TAFA4: variants seen among roughly 807,000 people sequenced by gnomAD.
The protein encoded by TAFA4 is chemokine-like protein TAFA-4.
A neutral mutation model predicts 21.1 loss-of-function variants in TAFA4; 20 were observed. The observed-to-expected ratio is 0.95, with a 90% CI of 0.67 to 1.38. TAFA4 has a LOEUF of 1.38. Among genes scored for constraint, TAFA4 ranks in the 40% most tolerant of loss-of-function variants. TAFA4 has a pLI of 0.00. For missense variants in TAFA4, 211 were observed against 180.9 expected, an observed-to-expected ratio of 1.17 and a Z score of -0.95; for synonymous variants, 71 against 67.4, an observed-to-expected ratio of 1.05 and a Z score of -0.26.
chr3:68,831,827 T>C (rs1012493825), intron 3 of TAFA4, among the ~76,000 whole-genome samples: 2 of 152,216 alleles, frequency 1.3e-5, no homozygotes, highest in Admixed American at 1.3e-4. Flanking sequence ...ACCAATTAAA[T>C]GTAGATTTGT....
intron 3 of TAFA4, among the ~76,000 whole-genome samples, chr3:68,758,836 A>G (rs1257662548): frequency 6.6e-6 from 1 of 152,220 alleles, no homozygotes; most frequent in East Asian, 1.9e-4. Flanking sequence ...GTGTTATAAC[A>G]TTGTATTAGT....
At chr3:68,809,839 T>C (rs1002363557) in intron 3 of TAFA4, among the ~76,000 whole-genome samples, 7 of 152,212 alleles carry the variant, frequency 4.6e-5, no homozygotes, top group Admixed American at 4.6e-4. Flanking sequence ...GTTGGCATTG[T>C]GTTTTGGCAC....
chr3:68,923,446 C>T (rs1386863937), intron 1 of TAFA4, among the ~76,000 whole-genome samples: 1 of 152,116 alleles, frequency 6.6e-6, no homozygotes, highest in Non-Finnish European at 1.5e-5. Context: ...CTACCTAAGG[C>T]TTATCTTAAT....
chr3:68,785,620 G>A (rs911076215), intron 3 of TAFA4, among the ~76,000 whole-genome samples: 12 of 152,354 alleles, frequency 7.9e-5, no homozygotes, highest in South Asian at 4.1e-4. Flanking sequence ...AGCACCGCGT[G>A]CAGCCCCGGT....
chr3:68,919,995 A>T (rs1418116254), intron 1 of TAFA4, among the ~76,000 whole-genome samples: 1 of 152,234 alleles, frequency 6.6e-6, no homozygotes, highest in Non-Finnish European at 1.5e-5. Context: ...AATTATGAGA[A>T]GGCTTTAAAC....
intron 3 of TAFA4, among the ~76,000 whole-genome samples, chr3:68,856,434 C>T (rs1705070788): frequency 6.6e-6 from 1 of 152,066 alleles, no homozygotes; most frequent in South Asian, 2.1e-4. Flanking sequence ...CATTACTCTC[C>T]AAAGATTATA....
chr3:68,758,069 G>A (rs954281786), intron 3 of TAFA4, among the ~76,000 whole-genome samples: 2 of 152,136 alleles, frequency 1.3e-5, no homozygotes, highest in South Asian at 2.1e-4. Flanking sequence ...ATTGAGAAGA[G>A]GTGAGATTCA....
chr3:68,855,494 A>G (rs1335229937), intron 3 of TAFA4, among the ~76,000 whole-genome samples: 1 of 152,158 alleles, frequency 6.6e-6, no homozygotes, highest in Non-Finnish European at 1.5e-5. Flanking sequence ...AATAAGGGTT[A>G]AATGCACTAC....
At chr3:68,782,537 C>T (rs1328835527) in intron 3 of TAFA4, among the ~76,000 whole-genome samples, 1 of 151,570 alleles carries the variant, frequency 6.6e-6, no homozygotes, top group Non-Finnish European at 1.5e-5. Context: ...TATATTCATA[C>T]AATAAATTAT....
At chr3:68,735,143 G>A (rs560554002) in intron 5 of TAFA4, among the ~76,000 whole-genome samples, 1 of 152,160 alleles carries the variant, frequency 6.6e-6, no homozygotes, top group East Asian at 1.9e-4. Context: ...AAACTTGAGG[G>A]TAAAGGAGTC....
chr3:68,794,871 C>A (rs1276875602), intron 3 of TAFA4, among the ~76,000 whole-genome samples: 1 of 149,856 alleles, frequency 6.7e-6, no homozygotes, highest in Non-Finnish European at 1.5e-5. Context: ...TTGCTCCCAA[C>A]AAAAAGACAA....
At chr3:68,758,920 C>T (rs944663411) in intron 3 of TAFA4, among the ~76,000 whole-genome samples, 5 of 152,122 alleles carry the variant, frequency 3.3e-5, no homozygotes, top group Admixed American at 1.3e-4. Context: ...AGGAATTGTC[C>T]CATGCAATTA....
intron 3 of TAFA4, among the ~76,000 whole-genome samples, chr3:68,771,113 C>T (rs370119495): frequency 6.6e-6 from 1 of 152,144 alleles, no homozygotes; most frequent in African/African-American, 2.4e-5. Flanking sequence ...ACTCCATCCC[C>T]CTTCTGACTC....
intron 3 of TAFA4, among the ~76,000 whole-genome samples, chr3:68,780,571 C>T (rs1703136422): frequency 6.6e-6 from 1 of 152,204 alleles, no homozygotes; most frequent in African/African-American, 2.4e-5. Context: ...CTCATTCTCT[C>T]TTTGCCTGCT....
chr3:68,847,316 G>C (rs1704828276), intron 3 of TAFA4, among the ~76,000 whole-genome samples: 1 of 152,250 alleles, frequency 6.6e-6, no homozygotes, highest in Non-Finnish European at 1.5e-5. Flanking sequence ...TGTTTACACT[G>C]TTAGGGGAAA....
chr3:68,907,451 T>C (rs1227377954), intron 1 of TAFA4, among the ~76,000 whole-genome samples: 1 of 152,174 alleles, frequency 6.6e-6, no homozygotes, highest in African/African-American at 2.4e-5. Context: ...TGCAAAGAGC[T>C]ACAAAAGGGC....
chr3:68,813,085 T>C (rs1279723159), intron 3 of TAFA4, among the ~76,000 whole-genome samples: 1 of 151,928 alleles, frequency 6.6e-6, no homozygotes, highest in Non-Finnish European at 1.5e-5. Flanking sequence ...ACTGGGTACA[T>C]AACGAAATGA....
At chr3:68,831,181 C>T (rs964659293) in intron 3 of TAFA4, among the ~76,000 whole-genome samples, 19 of 152,126 alleles carry the variant, frequency 1.2e-4, no homozygotes, top group Non-Finnish European at 2.9e-5. Context: ...GCCTTTAGCC[C>T]ATTACATTTA....
At chr3:68,926,560 TA>T (rs1296537099) in intron 1 of TAFA4, among the ~76,000 whole-genome samples, 22 of 152,198 alleles carry the variant, frequency 1.4e-4, no homozygotes, top group Admixed American at 6.5e-4. Flanking sequence ...CTCTGGACCT[TA>T]AAAGTTGCCA....
Sources: gnomAD v4.1 joint callset for allele counts (sites outside exome capture counted in the v4.1 genomes callset) on GRCh38, gnomAD v4.1.1 for gene constraint, MANE v1.5 for transcripts, NCBI Gene and HGNC (gene_info 2026-07-23, HGNC 2026-07-21) for gene names.